Variants in ST3GAL3 observed in about 807,000 individuals in gnomAD.
ST3GAL3 encodes ST3 beta-galactoside alpha-2,3-sialyltransferase 3.
ST3GAL3 carries 21 observed loss-of-function variants against 50.1 expected under a neutral mutation model. The ratio of observed to expected loss-of-function variants is 0.42; its 90% confidence interval spans 0.30 to 0.60. ST3GAL3 has a LOEUF of 0.60. ST3GAL3 is among the 20% of genes least tolerant of loss of function. ST3GAL3 has a pLI of 0.19. For missense variants in ST3GAL3, 353 were observed against 489.4 expected, an observed-to-expected ratio of 0.72 and a Z score of 2.63; for synonymous variants, 183 against 190.0, an observed-to-expected ratio of 0.96 and a Z score of 0.30.
chr1:43,721,282 C>T (rs1306982366), intron 1 of ST3GAL3, among the ~76,000 whole-genome samples: 2 of 147,208 alleles, frequency 1.4e-5, no homozygotes, highest in African/African-American at 2.5e-5. Context: ...AAATGAAGTA[C>T]CTATAATTAA....
chr1:43,902,303 A>G (rs912520731), intron 9 of ST3GAL3, among the ~76,000 whole-genome samples: 3 of 152,216 alleles, frequency 2.0e-5, no homozygotes, highest in Non-Finnish European at 2.9e-5. Flanking sequence ...GGGCTGGAAC[A>G]GGAATTAGGC....
Position 43,797,686 on chromosome 1 carries a change from T to G in ST3GAL3, c.166+5537T>G, listed in dbSNP as rs375250157. On this transcript the variant is annotated intron_variant, in intron 3 of 11. Transcript: ENST00000347631. Reference sequence around the variant, plus strand: ...AAAACCTACAGCAAACATCATACTTTATGGTAAAAGACTGCTCTCCCCCTA... The same window carrying G: ...AAAACCTACAGCAAACATCATACTTGATGGTAAAAGACTGCTCTCCCCCTA... Among the ~76,000 whole-genome samples the G allele has an allele frequency of 2.6e-5, 4 of 152,290 alleles. No individual in the cohort carries two copies. The South Asian group carries it at 8.3e-4, about 32-fold the overall frequency.
rs144784501 is a variant in ST3GAL3, at chr1:43,801,352, G to A, written c.166+9203G>A. 492 of 456,254 alleles carry A rather than the reference G, an allele frequency of 1.1e-3. 5 individuals are homozygous for A. The East Asian group carries it at 0.019, about 18-fold the overall frequency. The allele number at this position is 456,254 out of a possible 1,614,324, so 28.3% of individuals were successfully genotyped here. On this transcript the variant is annotated intron_variant, in intron 3 of 11. Coordinates refer to ENST00000347631, the MANE Select transcript of ST3GAL3 (RefSeq NM_006279.5). ...AAAAAGGAAGTGGGTCACTCACAAC[G>A]GAAATGCCAGTAGCATGTTAGGCTC...
chr1:43,735,886 G>T (rs75257142), intron 1 of ST3GAL3, among the ~76,000 whole-genome samples: 1 of 152,210 alleles, frequency 6.6e-6, no homozygotes, highest in Admixed American at 6.5e-5. Context: ...GCAGGGAAAC[G>T]TGTTTGTGGG....
intron 3 of ST3GAL3, 147 bp downstream of exon 3, chr1:43,792,296 T>C (rs1422806862): frequency 7.6e-6 from 8 of 1,054,486 alleles, no homozygotes; most frequent in South Asian, 5.1e-5. Flanking sequence ...CTAGAGACTT[T>C]ATGGTCAGGG....
chr1:43,845,193 G>T (rs1226459407), intron 5 of ST3GAL3, among the ~76,000 whole-genome samples: 1 of 152,074 alleles, frequency 6.6e-6, no homozygotes, highest in Non-Finnish European at 1.5e-5. Context: ...ATGTTTGCCA[G>T]GCTGGTCTCG....
At chr1:43,798,824 G>T (rs977128274) in intron 3 of ST3GAL3, among the ~76,000 whole-genome samples, 2 of 152,124 alleles carry the variant, frequency 1.3e-5, no homozygotes, top group African/African-American at 4.8e-5. Flanking sequence ...TCACTGTATC[G>T]CCGGTATTTA....
chr1:43,732,025 C>T (rs1215683306), intron 1 of ST3GAL3, among the ~76,000 whole-genome samples: 1 of 152,116 alleles, frequency 6.6e-6, no homozygotes, highest in Non-Finnish European at 1.5e-5. Flanking sequence ...TTGTTGTTGC[C>T]AGTATGGGGC....
chr1:43,758,427 A>C (rs1283553211), intron 2 of ST3GAL3, among the ~76,000 whole-genome samples: 1 of 151,804 alleles, frequency 6.6e-6, no homozygotes, highest in Non-Finnish European at 1.5e-5. Flanking sequence ...ATGTTTTTAA[A>C]TTTTTTGTAG....
At chr1:43,732,954 C>A (rs1471019993) in intron 1 of ST3GAL3, among the ~76,000 whole-genome samples, 1 of 150,194 alleles carries the variant, frequency 6.7e-6, no homozygotes, top group Non-Finnish European at 1.5e-5. Context: ...TTAATGGAGG[C>A]AGTACTTGTG....
intron 5 of ST3GAL3, among the ~76,000 whole-genome samples, chr1:43,873,161 G>A (rs574282852): frequency 2.0e-5 from 3 of 152,314 alleles, no homozygotes; most frequent in South Asian, 2.1e-4. Context: ...AAGGCAGTCC[G>A]ATTGGGAGGC....
At chr1:43,751,117 G>C (rs145578758) in intron 2 of ST3GAL3, among the ~76,000 whole-genome samples, 1 of 152,166 alleles carries the variant, frequency 6.6e-6, no homozygotes, top group South Asian at 2.1e-4. Flanking sequence ...ATTATAAGTG[G>C]TTAGTGTTTA....
chr1:43,781,735 A>G (rs1472917238), intron 2 of ST3GAL3, among the ~76,000 whole-genome samples: 2 of 152,200 alleles, frequency 1.3e-5, no homozygotes, highest in Non-Finnish European at 2.9e-5. Flanking sequence ...ACCTACAGAG[A>G]AAGTTTTTCA....
intron 2 of ST3GAL3, among the ~76,000 whole-genome samples, chr1:43,752,786 G>A (rs1012649931): frequency 4.6e-5 from 7 of 152,158 alleles, no homozygotes; most frequent in African/African-American, 1.7e-4. Flanking sequence ...GAGCCACCAC[G>A]TCCAGTCAAC....
At chr1:43,892,904 A>C (rs1030353831) in intron 5 of ST3GAL3, among the ~76,000 whole-genome samples, 1 of 152,196 alleles carries the variant, frequency 6.6e-6, no homozygotes, top group Non-Finnish European at 1.5e-5. Context: ...AGCCTCTGGC[A>C]AAACATCAAA....
intron 2 of ST3GAL3, among the ~76,000 whole-genome samples, chr1:43,757,364 A>G (rs116177996): frequency 3.0e-4 from 45 of 152,364 alleles, no homozygotes; most frequent in African/African-American, 1.0e-3. Flanking sequence ...CCATTTTGAA[A>G]AAGAACAAAG....
chr1:43,895,079 G>T (rs2077208505), intron 6 of ST3GAL3, among the ~76,000 whole-genome samples: 1 of 152,170 alleles, frequency 6.6e-6, no homozygotes, highest in Non-Finnish European at 1.5e-5. Flanking sequence ...GCAGTACAAG[G>T]AGCTGTGAGA....
intron 2 of ST3GAL3, among the ~76,000 whole-genome samples, chr1:43,753,243 G>A (rs1002870044): frequency 1.3e-5 from 2 of 152,218 alleles, no homozygotes; most frequent in Admixed American, 1.3e-4. Flanking sequence ...GCTGTGCAGT[G>A]CAGTTGAATA....
intron 5 of ST3GAL3, among the ~76,000 whole-genome samples, chr1:43,888,629 GA>G (rs1396929380): frequency 6.6e-6 from 1 of 152,048 alleles, no homozygotes; most frequent in Non-Finnish European, 1.5e-5. Flanking sequence ...AAAGTTTATA[GA>G]AAAAGAACTG....
Sources: gnomAD v4.1 joint callset for allele counts (sites outside exome capture counted in the v4.1 genomes callset) on GRCh38, gnomAD v4.1.1 for gene constraint, MANE v1.5 for transcripts, NCBI Gene and HGNC (gene_info 2026-07-23, HGNC 2026-07-21) for gene names.